BTBD9: variants seen among roughly 807,000 people sequenced by gnomAD.
The protein encoded by BTBD9 is BTB domain containing 9, also known as BTB/POZ domain-containing protein 9.
BTBD9 carries 49 observed loss-of-function variants against 64.3 expected under a neutral mutation model. That is an observed-to-expected ratio of 0.76 (90% CI 0.61 to 0.97). BTBD9 has a LOEUF of 0.97. Among genes scored for constraint, BTBD9 ranks in the 50% least tolerant of loss-of-function variants. The pLI, the probability that BTBD9 is intolerant of heterozygous loss-of-function variation, is 0.00. For synonymous variants in BTBD9, 260 were observed against 274.7 expected (o/e 0.95, Z 0.53); for missense variants, 598 against 762.1 (o/e 0.78, Z 2.53).
At chr6:38,371,022 T>G (rs980958845) in intron 6 of BTBD9, among the ~76,000 whole-genome samples, 9 of 152,174 alleles carry the variant, frequency 5.9e-5, no homozygotes, top group Non-Finnish European at 1.0e-4. Flanking sequence ...TCTGAGAATT[T>G]TTTTCTTCTC....
rs1772329519 is a variant in BTBD9 at position 38,503,906 on chromosome 6, T to G, written c.1154+73694A>C. Among the ~76,000 whole-genome samples, 5 of 152,286 alleles carry G rather than the reference T, an allele frequency of 3.3e-5. No homozygotes were observed. The South Asian group carries it at 1.0e-3, about 32-fold the overall frequency. ...CTCTGCCAAAATCTAAATGCAAATA[T>G]ATCACACTCTAACAGCCCTTCCCAT... On this transcript the variant is annotated intron_variant, in intron 6 of 10. Transcript: ENST00000481247.
At chr6:38,356,897 G>A (rs1196585802) in intron 6 of BTBD9, among the ~76,000 whole-genome samples, 1 of 152,184 alleles carries the variant, frequency 6.6e-6, no homozygotes, top group African/African-American at 2.4e-5. Flanking sequence ...GCTAAGTGGT[G>A]AAACAGGATA....
At chr6:38,558,323 A>G (rs918127018) in intron 6 of BTBD9, among the ~76,000 whole-genome samples, 1 of 151,792 alleles carries the variant, frequency 6.6e-6, no homozygotes, top group Non-Finnish European at 1.5e-5. Context: ...TTCCAAGTAT[A>G]GAATCATACT....
chr6:38,625,020 A>C (rs1778122253), intron 1 of BTBD9, among the ~76,000 whole-genome samples: 1 of 152,174 alleles, frequency 6.6e-6, no homozygotes, highest in Non-Finnish European at 1.5e-5. Flanking sequence ...AAAGCTTCAT[A>C]ATTTCCCTTT....
intron 6 of BTBD9, among the ~76,000 whole-genome samples, chr6:38,454,108 G>T (rs1362878883): frequency 1.3e-5 from 2 of 152,104 alleles, no homozygotes; most frequent in African/African-American, 4.8e-5. Context: ...AAGTAGGTTT[G>T]GGTTTCAAGT....
chr6:38,519,637 GAGCAAT>G (rs760640088), intron 6 of BTBD9, among the ~76,000 whole-genome samples: 214 of 152,322 alleles, frequency 1.4e-3, no homozygotes, highest in Admixed American at 3.3e-3. Context: ...GCAGTGCTGT[GAGCAAT>G]AGCTCAGGAG....
chr6:38,597,240 C>CCA (rs1777074337), intron 2 of BTBD9, among the ~76,000 whole-genome samples: 1 of 152,194 alleles, frequency 6.6e-6, no homozygotes, highest in Non-Finnish European at 1.5e-5. Context: ...AATGGAATCT[C>CCA]CATTTTAGAT....
At chr6:38,416,590 T>A (rs1002178567) in intron 6 of BTBD9, among the ~76,000 whole-genome samples, 1 of 150,530 alleles carries the variant, frequency 6.6e-6, no homozygotes, top group Admixed American at 6.7e-5. Flanking sequence ...GTGATCCGCC[T>A]GCCTCAGCCT....
intron 6 of BTBD9, among the ~76,000 whole-genome samples, chr6:38,410,570 T>C (rs145437503): frequency 3.9e-5 from 6 of 152,340 alleles, no homozygotes; most frequent in Non-Finnish European, 8.8e-5. Flanking sequence ...AACTGTGCTA[T>C]GGAAGATTTT....
intron 6 of BTBD9, among the ~76,000 whole-genome samples, chr6:38,459,411 T>C (rs545914730): frequency 5.0e-4 from 76 of 152,338 alleles, no homozygotes; most frequent in Non-Finnish European, 9.3e-4. Context: ...GAAGTCATGT[T>C]ACTGGTTCTG....
intron 1 of BTBD9, among the ~76,000 whole-genome samples, chr6:38,615,407 C>T (rs555833335): frequency 3.9e-4 from 60 of 152,296 alleles, no homozygotes; most frequent in African/African-American, 1.4e-3. Flanking sequence ...AAATCATACT[C>T]CACCAAGATC....
chr6:38,473,048 G>A (rs1770719738), intron 6 of BTBD9, among the ~76,000 whole-genome samples: 2 of 152,186 alleles, frequency 1.3e-5, no homozygotes, highest in African/African-American at 4.8e-5. Context: ...TGGAAGTGAG[G>A]ATTGGCTGGG....
chr6:38,268,166 G>C (rs772087905), intron 8 of BTBD9, among the ~76,000 whole-genome samples: 6 of 152,142 alleles, frequency 3.9e-5, no homozygotes, highest in Non-Finnish European at 8.8e-5. Flanking sequence ...CACCATTTTG[G>C]AGAGTCTCAC....
chr6:38,192,129 G>A (rs1289912453), intron 10 of BTBD9, among the ~76,000 whole-genome samples: 1 of 152,210 alleles, frequency 6.6e-6, no homozygotes, highest in African/African-American at 2.4e-5. Flanking sequence ...AAACAGCAGG[G>A]GAGTGATAAG....
intron 1 of BTBD9, among the ~76,000 whole-genome samples, chr6:38,621,967 G>A (rs1289488173): frequency 6.6e-6 from 1 of 152,190 alleles, no homozygotes; most frequent in Non-Finnish European, 1.5e-5. Flanking sequence ...CTTTCACAGG[G>A]GCATAGTTTT....
At chr6:38,330,048 C>A (rs569268415) in intron 7 of BTBD9, among the ~76,000 whole-genome samples, 2 of 134,672 alleles carry the variant, frequency 1.5e-5, no homozygotes, top group East Asian at 4.9e-4. Context: ...TCCTTTTTTT[C>A]TTTTCTTTTT....
chr6:38,202,175 C>A (rs1236495122), intron 9 of BTBD9, among the ~76,000 whole-genome samples: 2 of 150,920 alleles, frequency 1.3e-5, no homozygotes, highest in Admixed American at 6.6e-5. Context: ...ACCTCCACCC[C>A]ACAAGCTCAA....
intron 6 of BTBD9, among the ~76,000 whole-genome samples, chr6:38,561,566 T>C (rs765514367): frequency 6.6e-6 from 1 of 152,076 alleles, no homozygotes; most frequent in Non-Finnish European, 1.5e-5. Flanking sequence ...AAAAGTGGAC[T>C]GGATAAAGAA....
At chr6:38,487,335 C>T (rs759019740) in intron 6 of BTBD9, among the ~76,000 whole-genome samples, 4 of 152,062 alleles carry the variant, frequency 2.6e-5, no homozygotes, top group Non-Finnish European at 5.9e-5. Context: ...AATCCCAGCA[C>T]TTTGGGAGAC....
Sources: allele counts gnomAD v4.1 joint callset (sites outside exome capture counted in the v4.1 genomes callset), GRCh38; gene constraint gnomAD v4.1.1; transcripts MANE v1.5; gene names NCBI Gene and HGNC (gene_info 2026-07-23, HGNC 2026-07-21).